Variants in ZHX2 observed in about 807,000 individuals in gnomAD.
ZHX2 encodes the protein zinc fingers and homeoboxes 2, also known as zinc fingers and homeoboxes protein 2.
Under a neutral mutation model 21.9 loss-of-function variants are expected in ZHX2, and 6 were observed. That is an observed-to-expected ratio of 0.27 (90% CI 0.15 to 0.54). The LOEUF (loss-of-function observed/expected upper bound fraction) is 0.54, where lower values mean the gene tolerates loss of function less well. Among genes scored for constraint, ZHX2 ranks in the 20% least tolerant of loss-of-function variants. The pLI is 0.95. For missense variants in ZHX2, 908 were observed against 1,090.7 expected, an observed-to-expected ratio of 0.83 and a Z score of 2.36; for synonymous variants, 434 against 437.1, an observed-to-expected ratio of 0.99 and a Z score of 0.09.
chr8:122,784,781 T>C (rs1476480172), intron 1 of ZHX2, among the ~76,000 whole-genome samples: 1 of 152,246 alleles, frequency 6.6e-6, no homozygotes, highest in African/African-American at 2.4e-5. Flanking sequence ...CTCTCCTTTT[T>C]CTAGATGAGG....
At chr8:122,957,079 A>C (rs2130317200) in intron 3 of ZHX2, among the ~76,000 whole-genome samples, 1 of 152,280 alleles carries the variant, frequency 6.6e-6, no homozygotes, top group South Asian at 2.1e-4. Context: ...CTCTGACTAT[A>C]CATGGTCTTA....
At chr8:122,781,269 AGTTT>A (rs1817276224), upstream of ZHX2, 1 of 152,122 alleles carries the variant, frequency 6.6e-6, no homozygotes, top group South Asian at 2.1e-4. The surrounding 1 kb of genome is among the most constrained non-coding windows in gnomAD (Gnocchi z 4.6). Flanking sequence ...CAAGATCAAC[AGTTT>A]GTTGAGCTCA....
At chr8:122,785,144 A>G (rs1817369704) in intron 1 of ZHX2, among the ~76,000 whole-genome samples, 1 of 152,238 alleles carries the variant, frequency 6.6e-6, no homozygotes, top group Non-Finnish European at 1.5e-5. Flanking sequence ...TGAGGGGATC[A>G]CAGAGGATCT....
chr8:122,840,571 A>G (rs913490017), intron 1 of ZHX2, among the ~76,000 whole-genome samples: 2 of 152,240 alleles, frequency 1.3e-5, no homozygotes, highest in African/African-American at 4.8e-5. Context: ...TTGTCATTAC[A>G]TTGCACAGAA....
intron 2 of ZHX2, among the ~76,000 whole-genome samples, chr8:122,919,624 G>T (rs16897667): frequency 0.25 from 38,297 of 152,062 alleles, 4,925 homozygotes; most frequent in African/African-American, 0.32. Flanking sequence ...AGCTGTATCT[G>T]CAAATGTATA....
intron 1 of ZHX2, among the ~76,000 whole-genome samples, chr8:122,821,615 C>T (rs1363723548): frequency 3.3e-5 from 5 of 151,796 alleles, no homozygotes; most frequent in African/African-American, 4.8e-5. Flanking sequence ...CCATAGGATG[C>T]AGGCAACACA....
chr8:122,869,434 TCTC>T (rs944520206), intron 2 of ZHX2, among the ~76,000 whole-genome samples: 9 of 152,146 alleles, frequency 5.9e-5, no homozygotes, highest in African/African-American at 2.2e-4. Flanking sequence ...TTCAAACGAT[TCTC>T]CTGCCTCAGC....
intron 2 of ZHX2, among the ~76,000 whole-genome samples, chr8:122,920,478 C>T (rs1464717602): frequency 6.6e-6 from 1 of 152,010 alleles, no homozygotes; most frequent in South Asian, 2.1e-4. Flanking sequence ...ATAACCACTA[C>T]CAACATCAAG....
At position 122,847,766 on chromosome 8, in the gene ZHX2, A is replaced by G. The variant is rs1818785316; in HGVS notation, c.-282-15711A>G. ...CTGGAACGCCTGAGAGTACCTCACC[A>G]CCAGCACCCAGCACCACACTCTCCT... On this transcript the variant is annotated intron_variant, in intron 1 of 3. Coordinates refer to ENST00000314393, the MANE Select transcript of ZHX2 (RefSeq NM_014943.5). 1.3e-5 allele frequency among the ~76,000 whole-genome samples: 2 copies of G among 152,148 alleles called. 1 individual carries two copies. The highest frequency in any genetic ancestry group is 6.3e-3 in the Middle Eastern group (2 of 316).
chr8:122,784,168 G>A lies in ZHX2; in HGVS notation c.-283+2222G>A, dbSNP rs527818786. Among the ~76,000 whole-genome samples, 5 of 152,334 alleles carry A rather than the reference G, an allele frequency of 3.3e-5. No homozygotes were observed. The South Asian group carries it at 6.2e-4, about 19-fold the overall frequency. On this transcript the variant is annotated intron_variant, in intron 1 of 3. Coordinates refer to ENST00000314393, the MANE Select transcript of ZHX2 (RefSeq NM_014943.5). ...GACATGCTGAAAGGTGGCCCCACCCGGCGTTTCTCATCCACATCAGGACCA... is the reference window on the plus strand; with the variant it reads ...GACATGCTGAAAGGTGGCCCCACCCAGCGTTTCTCATCCACATCAGGACCA...
intron 2 of ZHX2, among the ~76,000 whole-genome samples, chr8:122,873,712 A>G (rs1282364900): frequency 6.6e-6 from 1 of 152,212 alleles, no homozygotes; most frequent in African/African-American, 2.4e-5. Flanking sequence ...TAGAGGTCAT[A>G]GTCCGAAATG....
chr8:122,836,771 C>T (rs916740479), intron 1 of ZHX2, among the ~76,000 whole-genome samples: 26 of 152,356 alleles, frequency 1.7e-4, no homozygotes, highest in African/African-American at 5.3e-4. Flanking sequence ...TTTGCTGGCC[C>T]ACACTGCTGG....
At chr8:122,944,597 C>A (rs968961046) in intron 2 of ZHX2, among the ~76,000 whole-genome samples, 1 of 152,170 alleles carries the variant, frequency 6.6e-6, no homozygotes, top group Non-Finnish European at 1.5e-5. Flanking sequence ...GTGTTCCCTG[C>A]CTTACTCTCC....
chr8:122,818,732 G>A (rs1437400941), intron 1 of ZHX2, among the ~76,000 whole-genome samples: 1 of 152,212 alleles, frequency 6.6e-6, no homozygotes. Context: ...TAATGCCGAG[G>A]ACGTTTGCAT....
intron 2 of ZHX2, among the ~76,000 whole-genome samples, chr8:122,912,446 A>G (rs1241135321): frequency 2.6e-5 from 4 of 152,162 alleles, no homozygotes; most frequent in African/African-American, 4.8e-5. Context: ...ATTCCCTCCA[A>G]GATGGACATG....
chr8:122,804,666 G>A (rs1455395718), intron 1 of ZHX2, among the ~76,000 whole-genome samples: 1 of 152,186 alleles, frequency 6.6e-6, no homozygotes, highest in African/African-American at 2.4e-5. Context: ...GGAGCCCAGT[G>A]TCTCCCAGTG....
rs149200165 is a variant in ZHX2 at position 122,965,688 on chromosome 8, G to A, written c.*5-7554G>A. On this transcript the variant is annotated intron_variant, in intron 3 of 3. Coordinates refer to ENST00000314393, the MANE Select transcript of ZHX2 (RefSeq NM_014943.5). ...CCATTTGTTCTACGGTGTAGTTTGC[G>A]TCTGTTGTTTCTTTGTTGGCTTTCC... 2.0e-3 allele frequency among the ~76,000 whole-genome samples: 299 copies of A among 152,162 alleles called. 2 individuals carry two copies. Among genetic ancestry groups the A allele is most frequent in the African/African-American group, 6.3e-3 (260 of 41,512 alleles).
At chr8:122,891,269 ATTGTGTGTGTGTGTGT>A (rs200107418) in intron 2 of ZHX2, among the ~76,000 whole-genome samples, 39,888 of 138,684 alleles carry the variant, frequency 0.29, 5,647 homozygotes, top group Admixed American at 0.35. Flanking sequence ...ATCTTGGTAG[ATTGTGTGTGTGTGTGT>A]GTGTGTGTGT....
At chr8:122,800,977 C>G (rs1261664834) in intron 1 of ZHX2, among the ~76,000 whole-genome samples, 2 of 152,162 alleles carry the variant, frequency 1.3e-5, no homozygotes, top group African/African-American at 4.8e-5. Context: ...TATTTGTTAG[C>G]CTTTTGCTTG....
Sources: gnomAD v4.1 joint callset for allele counts (sites outside exome capture counted in the v4.1 genomes callset) on GRCh38, gnomAD v4.1.1 for gene constraint, Gnocchi (gnomAD v3.1) non-coding constraint, MANE v1.5 for transcripts, NCBI Gene and HGNC (gene_info 2026-07-23, HGNC 2026-07-21) for gene names.